GRID2: variants seen among roughly 807,000 people sequenced by gnomAD.
GRID2 encodes the protein glutamate receptor ionotropic, delta-2.
A neutral mutation model predicts 114.8 loss-of-function variants in GRID2; 33 were observed. The observed-to-expected ratio is 0.29, with a 90% CI of 0.22 to 0.38. The LOEUF (loss-of-function observed/expected upper bound fraction) is 0.38, where lower values mean the gene tolerates loss of function less well. Among genes scored for constraint, GRID2 ranks in the 10% least tolerant of loss-of-function variants. The pLI is 1.00. For missense variants in GRID2, 1,184 were observed against 1,257.7 expected, an observed-to-expected ratio of 0.94 and a Z score of 0.89; for synonymous variants, 505 against 449.9, an observed-to-expected ratio of 1.12 and a Z score of -1.55.
intron 2 of GRID2, among the ~76,000 whole-genome samples, chr4:92,895,061 A>G (rs929108562): frequency 6.6e-6 from 1 of 151,848 alleles, no homozygotes; most frequent in African/African-American, 2.4e-5. Flanking sequence ...AATATATTAT[A>G]TTTGTCATGC....
chr4:93,806,326 G>C (rs998854182), intron 1 of GRID2, among the ~76,000 whole-genome samples: 1 of 152,146 alleles, frequency 6.6e-6, no homozygotes, highest in African/African-American at 2.4e-5. Flanking sequence ...ACTGTATATC[G>C]ACACCAACTT....
chr4:93,047,787 C>T (rs916338061), intron 2 of GRID2, among the ~76,000 whole-genome samples: 2 of 151,648 alleles, frequency 1.3e-5, no homozygotes, highest in African/African-American at 4.8e-5. Context: ...CCATTGATTC[C>T]TAACACCAAG....
intron 14 of GRID2, among the ~76,000 whole-genome samples, chr4:93,745,639 C>T (rs185444183): frequency 5.1e-4 from 77 of 152,192 alleles, no homozygotes; most frequent in African/African-American, 1.8e-3. Flanking sequence ...GATTTTGAAA[C>T]ATGCAAAACA....
intron 13 of GRID2, among the ~76,000 whole-genome samples, chr4:93,586,901 CT>C (rs1737589527): frequency 6.6e-6 from 1 of 152,022 alleles, no homozygotes; most frequent in Admixed American, 6.6e-5. Flanking sequence ...CATATGTACC[CT>C]TTTAAAAAAT....
chr4:93,056,833 C>G (rs1254823081), intron 2 of GRID2, among the ~76,000 whole-genome samples: 1 of 151,806 alleles, frequency 6.6e-6, no homozygotes. Context: ...GCTGTGTTTG[C>G]AATAGTTTTA....
chr4:92,582,629 C>G (rs1728234259), intron 1 of GRID2, among the ~76,000 whole-genome samples: 2 of 151,504 alleles, frequency 1.3e-5, no homozygotes, highest in Non-Finnish European at 2.9e-5. Context: ...AAGACTGAAA[C>G]CTATTTGAGA....
At chr4:93,625,029 T>C (rs1263267185) in intron 13 of GRID2, among the ~76,000 whole-genome samples, 1 of 151,834 alleles carries the variant, frequency 6.6e-6, no homozygotes. Context: ...ATAGGCCACA[T>C]GTGACAATAG....
intron 2 of GRID2, among the ~76,000 whole-genome samples, chr4:93,041,914 GT>G (rs1377666739): frequency 6.6e-6 from 1 of 151,852 alleles, no homozygotes; most frequent in African/African-American, 2.4e-5. Flanking sequence ...TTGTTTGCTT[GT>G]TTTTTGAGAC....
chr4:92,669,651 G>A lies in GRID2; in HGVS notation c.244+79365G>A, dbSNP rs186588390. 1.5e-4 allele frequency among the ~76,000 whole-genome samples: 23 copies of A among 151,958 alleles called. No individual in the cohort carries two copies. The East Asian group carries it at 2.3e-3, about 15-fold the overall frequency. On this transcript the variant is annotated intron_variant, in intron 2 of 15. Coordinates refer to ENST00000282020, the MANE Select transcript of GRID2 (RefSeq NM_001510.4). ...AGCCATTATACACCTATTCCATGTG[G>A]GGCCAACTGTTGAAACTAATAGCGC...
intron 14 of GRID2, among the ~76,000 whole-genome samples, chr4:93,666,383 T>C (rs771671861): frequency 1.9e-4 from 29 of 152,052 alleles, no homozygotes; most frequent in Non-Finnish European, 2.9e-4. Context: ...ATATTCTATA[T>C]GATAAATGCT....
At chr4:93,034,951 A>G (rs1724790501) in intron 2 of GRID2, among the ~76,000 whole-genome samples, 1 of 152,152 alleles carries the variant, frequency 6.6e-6, no homozygotes, top group Non-Finnish European at 1.5e-5. Context: ...AAGAAACAAC[A>G]TAGTCACCAT....
intron 2 of GRID2, among the ~76,000 whole-genome samples, chr4:93,052,981 C>T (rs1726866525): frequency 6.6e-6 from 1 of 151,856 alleles, no homozygotes; most frequent in Non-Finnish European, 1.5e-5. Flanking sequence ...TTTACTGTTT[C>T]CACTGTCCTA....
chr4:93,177,765 GT>G lies in GRID2; in HGVS notation c.736-29637del, dbSNP rs1739481178. ...CAAATTTTATCACTACCCATTTAAA[GT>G]TGTCATTGCTCCTTTATAATAAAAT... is the stretch of plus-strand genomic sequence containing the variant. On this transcript the variant is annotated intron_variant, in intron 4 of 15. Transcript: ENST00000282020. Among the ~76,000 whole-genome samples, 3 of 151,964 alleles carry G rather than the reference GT, an allele frequency of 2.0e-5. No homozygotes were observed. In the South Asian group the frequency reaches 6.2e-4, roughly 32 times the overall value.
chr4:92,618,789 T>G (rs1730132903), intron 2 of GRID2, among the ~76,000 whole-genome samples: 1 of 151,774 alleles, frequency 6.6e-6, no homozygotes, highest in African/African-American at 2.4e-5. Flanking sequence ...CTTTTGTATC[T>G]CCTGTTAGTG....
chr4:92,745,236 ACTT>A (rs1323202015), intron 2 of GRID2, among the ~76,000 whole-genome samples: 2 of 152,198 alleles, frequency 1.3e-5, no homozygotes, highest in Non-Finnish European at 2.9e-5. Flanking sequence ...GTTAAGTGAT[ACTT>A]CTTATTTCTG....
chr4:93,422,915 A>G lies in GRID2; in HGVS notation c.1492A>G (p.Ser498Gly), dbSNP rs1277863514. Residue 498 changes from serine (S) to glycine (G), a missense_variant, in exon 10 of 16, where the codon AGC (serine) becomes GGC (glycine). Physicochemically the swap from Ser to Gly is moderately conservative, Grantham distance 56 (BLOSUM62 0). This residue lies in a region of GRID2 where 717 missense variants were observed against 796.9 expected (regional missense o/e 0.90). Coordinates refer to ENST00000282020, the MANE Select transcript of GRID2 (RefSeq NM_001510.4). The stretch of plus-strand genomic sequence containing the variant: ...CGTAGCACCGGATCACAAATACGGA[A>G]GCCCACAAGAAGATGGGACATGGAA... Reference protein sequence around the residue: ...IYVAPDHKYGSPQEDGTWNGL... With the variant: ...IYVAPDHKYGGPQEDGTWNGL... 1 of 1,613,830 alleles carries G rather than the reference A, an allele frequency of 6.2e-7. No homozygotes were observed. The highest frequency in any genetic ancestry group is 2.2e-5 in the East Asian group (1 of 44,862).
At chr4:93,749,353 C>T (rs1363981160) in intron 14 of GRID2, among the ~76,000 whole-genome samples, 3 of 152,062 alleles carry the variant, frequency 2.0e-5, no homozygotes, top group Non-Finnish European at 4.4e-5. Context: ...CAAAATAAGG[C>T]ATTGATGAGG....
At chr4:93,631,056 A>T (rs1375805555) in intron 14 of GRID2, among the ~76,000 whole-genome samples, 1 of 152,200 alleles carries the variant, frequency 6.6e-6, no homozygotes, top group African/African-American at 2.4e-5. Context: ...AAGTAAAGTA[A>T]CTTGTGCAAG....
intron 2 of GRID2, among the ~76,000 whole-genome samples, chr4:93,038,176 C>A (rs938442908): frequency 2.2e-4 from 33 of 152,090 alleles, no homozygotes; most frequent in Non-Finnish European, 4.1e-4. Context: ...TCCTTCACAT[C>A]CCTTGTAAGT....
Sources: gnomAD v4.1 joint callset for allele counts (sites outside exome capture counted in the v4.1 genomes callset) on GRCh38, gnomAD v4.1.1 for gene constraint, gnomAD v4.1.1 regional missense constraint, MANE v1.5 for transcripts, NCBI Gene and HGNC (gene_info 2026-07-23, HGNC 2026-07-21) for gene names.